The following DNAH6 variants were observed in gnomAD, a reference collection of about 807,000 sequenced individuals.
The protein encoded by DNAH6 is dynein axonemal heavy chain 6, also known as axonemal beta dynein heavy chain 6.
DNAH6 carries 340 observed loss-of-function variants against 491.4 expected under a neutral mutation model. The observed-to-expected ratio is 0.69, with a 90% CI of 0.63 to 0.76. DNAH6 has a LOEUF of 0.76. DNAH6 is among the 30% of genes least tolerant of loss of function. The pLI is 0.00. For synonymous variants in DNAH6, 1,603 were observed against 1,686.1 expected, an observed-to-expected ratio of 0.95 and a Z score of 1.21; for missense variants, 4,443 against 4,972.2, an observed-to-expected ratio of 0.89 and a Z score of 3.20.
chr2:84,617,066 T>C, intron 23 of DNAH6, 84 bp downstream of exon 23: 1 of 728,078 alleles, frequency 1.4e-6, no homozygotes, highest in Non-Finnish European at 2.2e-6. Context: ...CCTCAAAGCA[T>C]GAAGGAACTA....
At chr2:84,702,235 TAGAAAATAAGGCTAAA>T (rs920898717) in intron 49 of DNAH6, among the ~76,000 whole-genome samples, 1 of 152,192 alleles carries the variant, frequency 6.6e-6, no homozygotes, top group African/African-American at 2.4e-5. Context: ...TAAGCCTTAG[TAGAAAATAAGGCTAAA>T]AGAAAATCTG....
At chr2:84,762,255 G>C (rs1400500612) in intron 63 of DNAH6, among the ~76,000 whole-genome samples, 2 of 152,208 alleles carry the variant, frequency 1.3e-5, no homozygotes, top group Non-Finnish European at 2.9e-5. Flanking sequence ...TGAAAAGTTG[G>C]CTTGTGAGTG....
rs1696366917 is a variant in DNAH6 at position 84,705,751 on chromosome 2, C to T, written c.8727+4C>T. On this transcript the variant is annotated splice_donor_region_variant and intron_variant, in intron 52 of 76. Transcript: ENST00000389394. ...ACAAAAGCTCCGCGCCGCACAGGTACATTTTCTGTATTGTGATATTTTATA... is the reference window on the plus strand; with the variant it reads ...ACAAAAGCTCCGCGCCGCACAGGTATATTTTCTGTATTGTGATATTTTATA... The T allele has an allele frequency of 1.3e-6, 2 of 1,539,256 alleles. No individual in the cohort carries two copies. The highest frequency in any genetic ancestry group is 1.8e-6 in the Non-Finnish European group (2 of 1,142,592).
At chr2:84,523,233 A>G (rs1023596798) in intron 2 of DNAH6, among the ~76,000 whole-genome samples, 1 of 151,994 alleles carries the variant, frequency 6.6e-6, no homozygotes, top group African/African-American at 2.4e-5. Context: ...TTTCTAGTTT[A>G]TGTGCATATG....
At chr2:84,485,512 T>C in the DNAH6 span, among the ~76,000 whole-genome samples, 5 of 152,114 alleles carry the variant, frequency 3.3e-5, no homozygotes, top group African/African-American at 1.2e-4. Context: ...GTTTTCATCA[T>C]CTTCCTGCAT....
At position 84,621,290 on chromosome 2, in the gene DNAH6, G is replaced by A; in HGVS notation, c.3892G>A (p.Ala1298Thr). 1 of 1,551,628 alleles carries A rather than the reference G, an allele frequency of 6.4e-7. No homozygotes were observed. Among genetic ancestry groups the A allele is most frequent in the Non-Finnish European group, 8.7e-7 (1 of 1,146,916 alleles). Residue 1298 changes from alanine to threonine, a missense_variant, in exon 25 of 77, where the codon GCT becomes ACT. This residue lies in a region of DNAH6 where 2,977 missense variants were observed against 3,296.6 expected (regional missense o/e 0.90). Transcript: ENST00000389394. The part of the protein sequence containing the change: ...MFTSLRRLCK[A>T]AIADYQGKLR... ...CACATCTCTGCGTCGCCTGTGCAAA[G>A]CTGCCATCGCTGACTATCAGGGGAA...
chr2:84,519,949 T>A (rs192249407), intron 2 of DNAH6, among the ~76,000 whole-genome samples: 1 of 152,206 alleles, frequency 6.6e-6, no homozygotes, highest in Admixed American at 6.5e-5. Context: ...ATAAATACAA[T>A]ACTCTCCATC....
intron 60 of DNAH6, among the ~76,000 whole-genome samples, chr2:84,726,794 A>C (rs1698684667): frequency 6.6e-6 from 1 of 152,034 alleles, no homozygotes; most frequent in Non-Finnish European, 1.5e-5. Flanking sequence ...AAAATAAAAT[A>C]AAAAATAAAT....
chr2:84,745,044 TC>T (rs1335573096), intron 62 of DNAH6, 35 bp from the exon 63 acceptor site: 1 of 1,325,534 alleles, frequency 7.5e-7, no homozygotes, highest in Non-Finnish European at 1.0e-6. Flanking sequence ...CCAAAACAAA[TC>T]TAATTAAATT....
At chr2:84,603,189 T>C (rs549759007) in intron 18 of DNAH6, among the ~76,000 whole-genome samples, 2 of 152,154 alleles carry the variant, frequency 1.3e-5, no homozygotes, top group African/African-American at 2.4e-5. Context: ...TCTTATATAG[T>C]ACAGTAAATA....
intron 64 of DNAH6, chr2:84,777,352 A>G (rs1573778626): frequency 2.7e-6 from 1 of 366,444 alleles, no homozygotes; most frequent in African/African-American, 2.1e-5. Flanking sequence ...CCTTCACAAG[A>G]TCTGAGATTC....
At chr2:84,570,853 G>A (rs180818382) in intron 11 of DNAH6, among the ~76,000 whole-genome samples, 17 of 152,240 alleles carry the variant, frequency 1.1e-4, no homozygotes, top group African/African-American at 3.1e-4. Flanking sequence ...TCTTGGGTCC[G>A]CACTACCTTT....
intron 45 of DNAH6, among the ~76,000 whole-genome samples, chr2:84,692,424 GATAGATAGATA>G (rs1694950780): frequency 1.3e-4 from 1 of 7,416 alleles, no homozygotes; most frequent in Non-Finnish European, 3.1e-4. Context: ...AAGGTAGATA[GATAGATAGATA>G]GATAGATAGA....
chr2:84,724,591 C>A (rs555100078), intron 60 of DNAH6, among the ~76,000 whole-genome samples: 1 of 152,328 alleles, frequency 6.6e-6, no homozygotes, highest in African/African-American at 2.4e-5. Flanking sequence ...GCTGGGACTG[C>A]ATTCTAAATT....
At position 84,701,167 on chromosome 2, in the gene DNAH6, T is replaced by C. The variant is rs1184678943; in HGVS notation, c.7889T>C (p.Leu2630Pro). 6.4e-7 allele frequency: 1 copy of C among 1,551,870 alleles called. No individual in the cohort carries two copies. Residue 2630 changes from leucine (L) to proline (P), a missense_variant, in exon 49 of 77, where the codon CTG becomes CCG. Leu to Pro is a moderately conservative substitution (Grantham distance 98). Around this residue, in one of 3 missense-constraint regions of DNAH6, gnomAD observed 2,977 missense variants for 3,296.6 expected, o/e 0.90. Coordinates refer to ENST00000389394, the MANE Select transcript of DNAH6 (RefSeq NM_001370.2). ...CAAGTCGATGCTGGAAATGAAGAAC[T>C]GAAAGAAAAGCTTCCCTTGATGTGC... ...FSQVDAGNEE[L>P]KEKLPLMCVN...
Position 84,641,989 on chromosome 2 carries a change from G to C in DNAH6, c.5013G>C (p.Val1671=). ...ACCCAGACCTAAATGAAGATGTGGT[G>C]TTGATAAGAGCTTTACAAGACTCCA... ...RENPDLNEDV[V]LIRALQDSNL... The change falls in exon 33 of 77, where the codon GTG becomes GTC. Residue 1671 remains valine (V), a synonymous_variant. Coordinates refer to ENST00000389394, the MANE Select transcript of DNAH6 (RefSeq NM_001370.2). 1 of 1,550,962 alleles carries C rather than the reference G, an allele frequency of 6.4e-7. No homozygotes were observed. Among genetic ancestry groups the C allele is most frequent in the Non-Finnish European group, 8.7e-7 (1 of 1,146,558 alleles).
chr2:84,663,608 A>G (rs1333562786), intron 37 of DNAH6, among the ~76,000 whole-genome samples: 1 of 152,174 alleles, frequency 6.6e-6, no homozygotes, highest in East Asian at 1.9e-4. Flanking sequence ...GAAAAGACCA[A>G]ATCTACGTCT....
At chr2:84,743,821 C>T (rs908840961) in intron 62 of DNAH6, among the ~76,000 whole-genome samples, 2 of 152,072 alleles carry the variant, frequency 1.3e-5, no homozygotes, top group African/African-American at 4.8e-5. Context: ...GAATCTGTCT[C>T]CAAATGAATA....
chr2:84,774,801 T>C (rs1299110185), intron 64 of DNAH6, among the ~76,000 whole-genome samples: 1 of 152,136 alleles, frequency 6.6e-6, no homozygotes, highest in Middle Eastern at 3.2e-3. Flanking sequence ...TTGTGGCTAT[T>C]GTAAGTGCCA....
Sources: gnomAD v4.1 joint callset for allele counts (sites outside exome capture counted in the v4.1 genomes callset) on GRCh38, gnomAD v4.1.1 for gene constraint, gnomAD v4.1.1 regional missense constraint, MANE v1.5 for transcripts, NCBI Gene and HGNC (gene_info 2026-07-23, HGNC 2026-07-21) for gene names.